DYM: variants seen among roughly 807,000 people sequenced by gnomAD.
The protein encoded by DYM is dymeclin.
A neutral mutation model predicts 93.1 loss-of-function variants in DYM; 78 were observed. The ratio of observed to expected loss-of-function variants is 0.84; its 90% CI spans 0.70 to 1.01. DYM has a LOEUF of 1.01. DYM is among the 50% of genes least tolerant of loss of function. The probability of loss-of-function intolerance (pLI) is 0.00; values close to 1 mark genes in which losing one functional copy is unlikely to be tolerated. For missense variants in DYM, 789 were observed against 845.0 expected (o/e 0.93, Z 0.82); for synonymous variants, 321 against 319.7 (o/e 1.00, Z -0.04).
At chr18:49,132,052 G>A (rs143586248) in intron 15 of DYM, among the ~76,000 whole-genome samples, 6 of 152,212 alleles carry the variant, frequency 3.9e-5, no homozygotes, top group African/African-American at 1.4e-4. Context: ...TGAGACTTCC[G>A]GAGAAATGTT....
At chr18:49,197,520 A>C (rs1455151630) in intron 14 of DYM, among the ~76,000 whole-genome samples, 1 of 152,072 alleles carries the variant, frequency 6.6e-6, no homozygotes, top group Non-Finnish European at 1.5e-5. Flanking sequence ...ATTCACTCCC[A>C]TGGTTCTTGA....
chr18:49,266,694 T>C (rs1332615839), intron 11 of DYM, among the ~76,000 whole-genome samples: 1 of 152,264 alleles, frequency 6.6e-6, no homozygotes, highest in Non-Finnish European at 1.5e-5. Flanking sequence ...TGAATGAGTA[T>C]GATCATTTAC....
In DYM at chr18:49,408,063, CA is replaced by C. The variant is rs34147044; in HGVS notation, c.141-16419del. On this transcript the variant is annotated intron_variant, in intron 2 of 17. Transcript: ENST00000675505. ...TGGGCAACATAGCAAGACCTCATCT[CA>C]AAAAAAAAAAAAAAACTGAACCATA... Among the ~76,000 whole-genome samples, 179 of 125,798 alleles carry C rather than the reference CA, an allele frequency of 1.4e-3. 1 individual carries two copies. In the South Asian group the frequency reaches 0.023, roughly 16 times the overall value. The allele number at this position is 125,798 out of a possible 152,430, so 82.5% of individuals were successfully genotyped here. A position where few individuals can be genotyped will look rare whatever the true frequency, so the allele number is the denominator to read the frequency against.
At chr18:49,149,714 T>C (rs947202223) in intron 15 of DYM, among the ~76,000 whole-genome samples, 6 of 143,298 alleles carry the variant, frequency 4.2e-5, no homozygotes, top group Admixed American at 2.8e-4. Flanking sequence ...TTTTTTTTTT[T>C]TTTTTTTTTT....
chr18:49,347,065 G>C (rs2064663834), intron 6 of DYM, among the ~76,000 whole-genome samples: 1 of 152,140 alleles, frequency 6.6e-6, no homozygotes, highest in East Asian at 1.9e-4. Flanking sequence ...TGTACTGAAA[G>C]TGAAAAATAA....
chr18:49,329,372 C>CATAT (rs1471021839), intron 8 of DYM, among the ~76,000 whole-genome samples: 1 of 151,902 alleles, frequency 6.6e-6, no homozygotes, highest in Non-Finnish European at 1.5e-5. Context: ...CAACATGGCA[C>CATAT]ATATATACAT....
rs1439267485 is a variant in DYM, at chr18:49,386,936, A to G, written c.193+4657T>C. On this transcript the variant is annotated intron_variant, in intron 3 of 17. Coordinates refer to ENST00000675505, the MANE Select transcript of DYM (RefSeq NM_001353214.3). ...GGTAGTTCTTGCAAAATTTCTTCGT[A>G]TTTATTTACTTTTTTTTTTTTTTTT... is the stretch of plus-strand genomic sequence containing the variant. Among the ~76,000 whole-genome samples the G allele has an allele frequency of 2.7e-5, 4 of 146,690 alleles. No individual in the cohort carries two copies. In the East Asian group the frequency reaches 8.2e-4, roughly 30 times the overall value.
At chr18:49,311,639 A>C (rs1395999068) in intron 8 of DYM, among the ~76,000 whole-genome samples, 3 of 149,730 alleles carry the variant, frequency 2.0e-5, no homozygotes, top group Non-Finnish European at 4.4e-5. Flanking sequence ...AGAAAACCAA[A>C]CACCACATGT....
chr18:49,080,832 C>A (rs1449147498), intron 17 of DYM, among the ~76,000 whole-genome samples: 5 of 151,132 alleles, frequency 3.3e-5, no homozygotes, highest in African/African-American at 1.2e-4. Context: ...GACGGGGCGG[C>A]TGGGCAGAGA....
At position 49,264,154 on chromosome 18, in the gene DYM, A is replaced by C. The variant is rs563490172; in HGVS notation, c.1252-5661T>G. On this transcript the variant is annotated intron_variant, in intron 11 of 17. Transcript: ENST00000675505. ...TCAATACACGTAGCTCTACGCATTCATTCTAGCTGCTTTACAATATTTCAT... is the reference window on the plus strand; with the variant it reads ...TCAATACACGTAGCTCTACGCATTCCTTCTAGCTGCTTTACAATATTTCAT... Among the ~76,000 whole-genome samples, 9 of 148,494 alleles carry C rather than the reference A, an allele frequency of 6.1e-5. No individual in the cohort carries two copies. In the South Asian group the frequency reaches 1.9e-3, roughly 32 times the overall value.
intron 17 of DYM, among the ~76,000 whole-genome samples, chr18:49,060,435 G>A (rs150712674): frequency 1.1e-4 from 17 of 152,000 alleles, no homozygotes; most frequent in Non-Finnish European, 2.4e-4. Flanking sequence ...CCAGTGCCCA[G>A]TATCTGCCTG....
chr18:49,426,017 A>C (rs1234630409), intron 2 of DYM, among the ~76,000 whole-genome samples: 2 of 152,202 alleles, frequency 1.3e-5, no homozygotes, highest in Admixed American at 6.5e-5. Flanking sequence ...AACTAGAAAT[A>C]CCATTTGACC....
At chr18:49,307,471 T>C (rs1245422965) in intron 8 of DYM, among the ~76,000 whole-genome samples, 2 of 152,084 alleles carry the variant, frequency 1.3e-5, no homozygotes, top group African/African-American at 4.8e-5. Flanking sequence ...TCTACTTACA[T>C]TCCATTGGCT....
chr18:49,201,738 T>C (rs1032975436), intron 14 of DYM, among the ~76,000 whole-genome samples: 1 of 152,258 alleles, frequency 6.6e-6, no homozygotes, highest in African/African-American at 2.4e-5. Flanking sequence ...TTTCCATGCC[T>C]ACTCTGCTAA....
intron 14 of DYM, among the ~76,000 whole-genome samples, chr18:49,166,064 G>A (rs1301356097): frequency 6.6e-6 from 1 of 152,060 alleles, no homozygotes; most frequent in African/African-American, 2.4e-5. Flanking sequence ...CTCCATTTGA[G>A]GTTTAGTTTT....
At chr18:49,140,638 T>C (rs1435990234) in intron 15 of DYM, among the ~76,000 whole-genome samples, 2 of 152,350 alleles carry the variant, frequency 1.3e-5, no homozygotes, top group East Asian at 3.9e-4. Context: ...GATATAAAAC[T>C]TGTATTTTAA....
intron 13 of DYM, among the ~76,000 whole-genome samples, chr18:49,254,110 A>G (rs1461610126): frequency 6.6e-6 from 1 of 151,918 alleles, no homozygotes; most frequent in African/African-American, 2.4e-5. Flanking sequence ...TCTCTTATCT[A>G]TCATGTCATC....
intron 14 of DYM, among the ~76,000 whole-genome samples, chr18:49,164,189 T>C (rs982450385): frequency 1.3e-5 from 2 of 152,196 alleles, no homozygotes; most frequent in African/African-American, 4.8e-5. Context: ...ACAAGATTAT[T>C]TCTCTACTGT....
intron 17 of DYM, among the ~76,000 whole-genome samples, chr18:49,085,391 C>T (rs1174721878): frequency 1.3e-5 from 2 of 152,106 alleles, no homozygotes; most frequent in African/African-American, 2.4e-5. Context: ...AGACACAAAT[C>T]GTCTCCAACT....
Sources: gnomAD v4.1 joint callset for allele counts (sites outside exome capture counted in the v4.1 genomes callset) on GRCh38, gnomAD v4.1.1 for gene constraint, MANE v1.5 for transcripts, NCBI Gene and HGNC (gene_info 2026-07-23, HGNC 2026-07-21) for gene names.